The following PPARGC1A variants were observed in gnomAD, a reference collection of about 807,000 sequenced individuals.
PPARGC1A encodes the protein PPARG coactivator 1 alpha, also known as peroxisome proliferator-activated receptor gamma coactivator 1-alpha.
A neutral mutation model predicts 88.7 loss-of-function variants in PPARGC1A; 25 were observed. The ratio of observed to expected loss-of-function variants is 0.28; its 90% CI spans 0.21 to 0.39. PPARGC1A has a LOEUF of 0.39. Ranked by LOEUF, PPARGC1A falls within the 10% of genes least tolerant of loss-of-function variation. The pLI is 1.00. For synonymous variants in PPARGC1A, 363 were observed against 355.6 expected (o/e 1.02, Z -0.24); for missense variants, 880 against 968.7 (o/e 0.91, Z 1.22).
chr4:23,894,382 A>G (rs1718268535), upstream of PPARGC1A, among the ~76,000 whole-genome samples: 3 of 152,176 alleles, frequency 2.0e-5, no homozygotes, highest in Non-Finnish European at 4.4e-5. Context: ...ACTGCATAGA[A>G]CACAAAAGTT....
intron 10 of PPARGC1A, among the ~76,000 whole-genome samples, chr4:23,803,167 G>A (rs1719117159): frequency 1.3e-5 from 2 of 151,438 alleles, no homozygotes; most frequent in African/African-American, 4.9e-5. Flanking sequence ...AATTACTTGG[G>A]GTGCTGATTA....
the PPARGC1A span, among the ~76,000 whole-genome samples, chr4:24,260,635 G>A: frequency 6.6e-6 from 1 of 152,160 alleles, no homozygotes; most frequent in East Asian, 1.9e-4. Flanking sequence ...CAGAGTCGTG[G>A]TATGTTTTCA....
intron 1 of PPARGC1A, among the ~76,000 whole-genome samples, chr4:23,887,752 A>AAG (rs1327050631): frequency 6.6e-6 from 1 of 152,140 alleles, no homozygotes; most frequent in East Asian, 1.9e-4. Context: ...GTAAATTTTA[A>AAG]AGAGAGAGAG....
the PPARGC1A span, among the ~76,000 whole-genome samples, chr4:23,920,123 A>C: frequency 6.6e-6 from 1 of 152,244 alleles, no homozygotes; most frequent in African/African-American, 2.4e-5. Context: ...GAAGAGAGGT[A>C]TGCATAAAGA....
chr4:24,249,382 G>T, the PPARGC1A span, among the ~76,000 whole-genome samples: 1 of 152,018 alleles, frequency 6.6e-6, no homozygotes, highest in African/African-American at 2.4e-5. Context: ...TCACCGTGAC[G>T]ACTATTTTAA....
At chr4:24,242,530 C>T in the PPARGC1A span, among the ~76,000 whole-genome samples, 12 of 152,186 alleles carry the variant, frequency 7.9e-5, 1 homozygote, top group Non-Finnish European at 1.8e-4. Context: ...CTGCTGTGAC[C>T]TCAGCGGCAG....
the PPARGC1A span, among the ~76,000 whole-genome samples, chr4:24,431,516 T>A: frequency 2.0e-5 from 3 of 152,112 alleles, no homozygotes; most frequent in Non-Finnish European, 4.4e-5. Context: ...ATAAAATCTC[T>A]TAGAGGGTCA....
At chr4:24,421,606 G>A in the PPARGC1A span, among the ~76,000 whole-genome samples, 7 of 152,070 alleles carry the variant, frequency 4.6e-5, no homozygotes, top group Non-Finnish European at 8.8e-5. Flanking sequence ...CCACCGCGCC[G>A]GGCCAACAGT....
intron 5 of PPARGC1A, among the ~76,000 whole-genome samples, chr4:23,827,563 G>A (rs1371474920): frequency 6.6e-6 from 1 of 152,104 alleles, no homozygotes; most frequent in Non-Finnish European, 1.5e-5. Context: ...CTAAGACCAC[G>A]ACATTTTGAG....
the PPARGC1A span, among the ~76,000 whole-genome samples, chr4:23,998,372 A>G: frequency 6.6e-6 from 1 of 152,194 alleles, no homozygotes; most frequent in African/African-American, 2.4e-5. Flanking sequence ...CTTTATATCA[A>G]TAAGGGAAAA....
the PPARGC1A span, among the ~76,000 whole-genome samples, chr4:24,191,126 A>T: frequency 9.2e-5 from 14 of 152,226 alleles, no homozygotes; most frequent in Non-Finnish European, 2.1e-4. Context: ...TTAACAAGGC[A>T]TGAAAAAGTT....
chr4:24,012,551 G>A, the PPARGC1A span, among the ~76,000 whole-genome samples: 2 of 152,058 alleles, frequency 1.3e-5, no homozygotes, highest in South Asian at 4.2e-4. Context: ...TTTCTGCTCT[G>A]AGGCCCTGCT....
chr4:24,176,480 G>A, the PPARGC1A span, among the ~76,000 whole-genome samples: 1 of 152,122 alleles, frequency 6.6e-6, no homozygotes, highest in Non-Finnish European at 1.5e-5. Context: ...GGAGAGCCAG[G>A]AGATCTTCAA....
chr4:23,977,727 A>G, the PPARGC1A span, among the ~76,000 whole-genome samples: 5 of 152,258 alleles, frequency 3.3e-5, no homozygotes, highest in Non-Finnish European at 7.3e-5. Flanking sequence ...GGATAGCTCG[A>G]AGAGAAATAC....
At chr4:24,401,864 T>TGATAGCCAAAATAGCCAAAAA in the PPARGC1A span, among the ~76,000 whole-genome samples, 5 of 152,326 alleles carry the variant, frequency 3.3e-5, no homozygotes, top group South Asian at 8.3e-4. Context: ...AGTAAACATG[T>TGATAGCCAAAATAGCCAAAAA]AAGTCTTGGC....
In PPARGC1A at chr4:23,841,759, C is replaced by A. The variant is rs186187476; in HGVS notation, c.235-10008G>T. Among the ~76,000 whole-genome samples, 12 of 152,174 alleles carry A rather than the reference C, an allele frequency of 7.9e-5. No individual in the cohort carries two copies. The East Asian group carries it at 2.1e-3, about 27-fold the overall frequency. The stretch of plus-strand genomic sequence containing the variant: ...ATTGATGATAAGAACCTGCCATCAT[C>A]TTAAATCCCAACTTGTACTTTTTCT... On this transcript the variant is annotated intron_variant, in intron 2 of 12. Coordinates refer to ENST00000264867, the MANE Select transcript of PPARGC1A (RefSeq NM_013261.5).
chr4:23,869,177 G>T (rs59349316), intron 2 of PPARGC1A, among the ~76,000 whole-genome samples: 1 of 152,192 alleles, frequency 6.6e-6, no homozygotes, highest in African/African-American at 2.4e-5. Context: ...CAGGGTCATG[G>T]CTGCCTGGCT....
At chr4:24,191,882 G>A in the PPARGC1A span, among the ~76,000 whole-genome samples, 16 of 152,154 alleles carry the variant, frequency 1.1e-4, no homozygotes, top group Non-Finnish European at 2.1e-4. Context: ...AGCACCGTGG[G>A]AGTGAGAAAG....
chr4:24,146,089 A>G, the PPARGC1A span, among the ~76,000 whole-genome samples: 1 of 152,338 alleles, frequency 6.6e-6, no homozygotes, highest in South Asian at 2.1e-4. Context: ...ATCTGTAACA[A>G]AGTAGAAAAC....
Sources: gnomAD v4.1 joint callset for allele counts (sites outside exome capture counted in the v4.1 genomes callset) on GRCh38, gnomAD v4.1.1 for gene constraint, MANE v1.5 for transcripts, NCBI Gene and HGNC (gene_info 2026-07-23, HGNC 2026-07-21) for gene names.